FBXW8: variants seen among roughly 807,000 people sequenced by gnomAD.
FBXW8 encodes F-box/WD repeat-containing protein 8.
A neutral mutation model predicts 65.3 loss-of-function variants in FBXW8; 57 were observed. The ratio of observed to expected loss-of-function variants is 0.87; its 90% CI spans 0.71 to 1.09. The LOEUF is 1.09. FBXW8 is among the 50% of genes least tolerant of loss of function. The probability of loss-of-function intolerance (pLI) is 0.00; values close to 1 mark genes in which losing one functional copy is unlikely to be tolerated. For missense variants in FBXW8, 777 were observed against 814.8 expected (o/e 0.95, Z 0.57); for synonymous variants, 308 against 330.2 (o/e 0.93, Z 0.73).
chr12:116,959,266 A>G (rs1883839937), intron 4 of FBXW8, among the ~76,000 whole-genome samples: 2 of 152,196 alleles, frequency 1.3e-5, no homozygotes, highest in Non-Finnish European at 2.9e-5. Flanking sequence ...TGCAAACCTG[A>G]GTCATAATAT....
intron 2 of FBXW8, among the ~76,000 whole-genome samples, chr12:116,929,779 GAAC>G (rs1399240906): frequency 6.6e-6 from 1 of 152,050 alleles, no homozygotes; most frequent in Non-Finnish European, 1.5e-5. Context: ...GTAGAGCTCT[GAAC>G]TTATTTCTCT....
chr12:116,911,344 A>C lies in FBXW8; in HGVS notation c.307A>C (p.Ile103Leu). ...GGGEQLVDQL[I>L]RDLNEMNDVP... ...CGGGGAGCAGCTGGTGGACCAGCTC[A>C]TCCGCGACCTGGTGAGTGGCCGTCG... is the stretch of plus-strand genomic sequence containing the variant. Residue 103 changes from isoleucine (I) to leucine (L), a missense_variant, in exon 1 of 11, where the codon ATC becomes CTC. Coordinates refer to ENST00000652555, the MANE Select transcript of FBXW8 (RefSeq NM_153348.3). 7.8e-7 allele frequency: 1 copy of C among 1,280,378 alleles called. No individual in the cohort carries two copies. The allele number at this position is 1,280,378 out of a possible 1,614,324, so 79.3% of individuals were successfully genotyped here.
At position 116,954,211 on chromosome 12, in the gene FBXW8, G is replaced by T. The variant is rs1450016547; in HGVS notation, c.677+4505G>T. 2.6e-5 allele frequency among the ~76,000 whole-genome samples: 4 copies of T among 151,852 alleles called. No homozygotes were observed. In the South Asian group the frequency reaches 8.3e-4, roughly 31 times the overall value. On this transcript the variant is annotated intron_variant, in intron 4 of 10. Transcript: ENST00000652555. ...AGAAGAGAAAGCCACTCAAATTCTA[G>T]CATGGAACACAACCTTTATTAAGGT...
intron 2 of FBXW8, among the ~76,000 whole-genome samples, chr12:116,944,110 G>A (rs528155447): frequency 3.9e-5 from 6 of 152,312 alleles, no homozygotes; most frequent in African/African-American, 1.4e-4. Flanking sequence ...CAATCCTGGA[G>A]CTGGAAGAGG....
intron 8 of FBXW8, among the ~76,000 whole-genome samples, chr12:117,011,466 T>G (rs1953813807): frequency 6.6e-6 from 1 of 152,222 alleles, no homozygotes; most frequent in Non-Finnish European, 1.5e-5. Context: ...TAAGGCCTCC[T>G]AAAATGGCTG....
intron 1 of FBXW8, among the ~76,000 whole-genome samples, chr12:116,915,473 A>G (rs1183812098): frequency 2.6e-5 from 4 of 152,076 alleles, no homozygotes. Context: ...ACATCCATGT[A>G]AACAGCAGCC....
At chr12:116,912,497 C>G (rs924266756) in intron 1 of FBXW8, among the ~76,000 whole-genome samples, 34 of 136,698 alleles carry the variant, frequency 2.5e-4, no homozygotes, top group Non-Finnish European at 4.1e-4. Context: ...CTCGCTCTGT[C>G]GCCCAGGCTG....
intron 5 of FBXW8, among the ~76,000 whole-genome samples, chr12:116,967,093 T>C (rs929421579): frequency 1.3e-5 from 2 of 151,978 alleles, no homozygotes; most frequent in African/African-American, 4.8e-5. Context: ...TATTCCTCCC[T>C]GTCCCACTTC....
At chr12:116,970,152 G>A (rs1884564371) in intron 5 of FBXW8, among the ~76,000 whole-genome samples, 1 of 152,206 alleles carries the variant, frequency 6.6e-6, no homozygotes, top group Non-Finnish European at 1.5e-5. Context: ...GAATGGCAGT[G>A]TGCTTCGAAA....
chr12:116,938,349 AT>A (rs1264978169), intron 2 of FBXW8, among the ~76,000 whole-genome samples: 3 of 151,970 alleles, frequency 2.0e-5, no homozygotes, highest in African/African-American at 7.3e-5. Flanking sequence ...TCTCAAAGAG[AT>A]TTTTTATTTG....
chr12:116,994,065 T>A (rs1392696981), intron 7 of FBXW8, among the ~76,000 whole-genome samples: 3 of 152,192 alleles, frequency 2.0e-5, no homozygotes, highest in African/African-American at 7.2e-5. Flanking sequence ...AAAGCAACCC[T>A]AAGCAAAAGG....
chr12:116,969,741 G>C (rs542436532), intron 5 of FBXW8, among the ~76,000 whole-genome samples: 1 of 151,392 alleles, frequency 6.6e-6, no homozygotes, highest in Non-Finnish European at 1.5e-5. Context: ...GTATCCAGAG[G>C]GGGAGATGGA....
intron 2 of FBXW8, among the ~76,000 whole-genome samples, chr12:116,942,524 G>A (rs1049443672): frequency 2.3e-4 from 35 of 151,516 alleles, no homozygotes; most frequent in Admixed American, 1.4e-3. Context: ...ACAGGTGCAC[G>A]CCACCATGTC....
In FBXW8 at chr12:116,990,666, A is replaced by G. The variant is rs117814377; in HGVS notation, c.1239+1797A>G. On this transcript the variant is annotated intron_variant, in intron 7 of 10. Coordinates refer to ENST00000652555, the MANE Select transcript of FBXW8 (RefSeq NM_153348.3). ...ATCTGAATGGATTTATTCCTGTAGT[A>G]ATACAGTTGTAATGGATACATTTGA... is the stretch of plus-strand genomic sequence containing the variant. 5.2e-3 allele frequency among the ~76,000 whole-genome samples: 785 copies of G among 152,300 alleles called. 4 individuals are homozygous for G. The highest frequency in any genetic ancestry group is 8.2e-3 in the Non-Finnish European group (557 of 68,024).
intron 4 of FBXW8, among the ~76,000 whole-genome samples, chr12:116,953,653 G>A (rs1465866725): frequency 2.0e-5 from 3 of 150,900 alleles, no homozygotes; most frequent in African/African-American, 7.3e-5. Flanking sequence ...AGTGCCTGTA[G>A]TCCCAGCTAC....
chr12:117,027,354 G>C, intron 9 of FBXW8, 40 bp from the exon 10 acceptor site: 1 of 1,536,968 alleles, frequency 6.5e-7, no homozygotes, highest in South Asian at 1.1e-5. Context: ...TGCAGGCCCA[G>C]TGGACGCCCC....
intron 7 of FBXW8, among the ~76,000 whole-genome samples, chr12:116,994,515 C>T (rs928183867): frequency 6.6e-6 from 1 of 152,196 alleles, no homozygotes; most frequent in Admixed American, 6.5e-5. Context: ...TATCTGGAGC[C>T]AAACCAATGT....
chr12:116,964,310 TGTGA>T (rs1296042696), intron 4 of FBXW8, among the ~76,000 whole-genome samples: 4 of 152,270 alleles, frequency 2.6e-5, no homozygotes, highest in Non-Finnish European at 5.9e-5. Flanking sequence ...CTGTCTTTCC[TGTGA>T]GTGAGTGTGT....
chr12:116,973,326 C>A (rs1884743804), intron 5 of FBXW8, among the ~76,000 whole-genome samples: 1 of 151,980 alleles, frequency 6.6e-6, no homozygotes, highest in Admixed American at 6.6e-5. Context: ...GAGGCTAAAA[C>A]CAGAGGATAA....
Sources: allele counts gnomAD v4.1 joint callset (sites outside exome capture counted in the v4.1 genomes callset), GRCh38; gene constraint gnomAD v4.1.1; transcripts MANE v1.5; gene names NCBI Gene and HGNC (gene_info 2026-07-23, HGNC 2026-07-21).